Variants in SHCBP1L observed in about 807,000 individuals in gnomAD.
SHCBP1L encodes SHC binding and spindle associated 1 like, also known as testicular spindle-associated protein SHCBP1L.
In SHCBP1L, 67 loss-of-function variants were observed where a neutral mutation model predicts 62.5. The observed-to-expected ratio is 1.07, with a 90% CI of 0.88 to 1.31. SHCBP1L has a LOEUF of 1.31. SHCBP1L is among the 40% of genes most tolerant of loss of function. SHCBP1L has a pLI of 0.00. For synonymous variants in SHCBP1L, 284 were observed against 289.4 expected (o/e 0.98, Z 0.19); for missense variants, 823 against 809.8 (o/e 1.02, Z -0.20).
chr1:182,946,801 G>A (rs1160144264), intron 2 of SHCBP1L, among the ~76,000 whole-genome samples: 2 of 152,104 alleles, frequency 1.3e-5, no homozygotes, highest in Admixed American at 6.6e-5. Flanking sequence ...ATGGTGTTAG[G>A]ATTTGATAAT....
intron 6 of SHCBP1L, among the ~76,000 whole-genome samples, chr1:182,923,887 G>A (rs1418382053): frequency 6.6e-6 from 1 of 152,184 alleles, no homozygotes; most frequent in East Asian, 1.9e-4. Flanking sequence ...CCTAGCCAGA[G>A]CAATCAGGCA....
rs1651857082 is a variant in SHCBP1L, at chr1:182,953,130, C to A, written c.4G>T (p.Ala2Ser). MASGSKASVPAD... is the reference protein window; with the variant it reads MSSGSKASVPAD... ...GGCACCGAGGCCTTGGAGCCCGACGCCATCTCCTCAGCAGCCCGAGGGCCG... is the reference window on the plus strand; with the variant it reads ...GGCACCGAGGCCTTGGAGCCCGACGACATCTCCTCAGCAGCCCGAGGGCCG... Residue 2 changes from alanine (A) to serine (S), a missense_variant, in exon 1 of 10, where the codon GCG becomes TCG. Transcript: ENST00000367547. 2.5e-6 allele frequency: 4 copies of A among 1,581,226 alleles called. No individual in the cohort carries two copies. Among genetic ancestry groups the A allele is most frequent in the Non-Finnish European group, 3.4e-6 (4 of 1,172,038 alleles).
chr1:182,949,715 A>T (rs1450335994), intron 2 of SHCBP1L, among the ~76,000 whole-genome samples: 1 of 152,078 alleles, frequency 6.6e-6, no homozygotes, highest in Non-Finnish European at 1.5e-5. Context: ...AAGAAAAAGG[A>T]AAAGAAACAG....
chr1:182,901,204 T>C (rs1226656300), intron 9 of SHCBP1L, among the ~76,000 whole-genome samples: 1 of 152,150 alleles, frequency 6.6e-6, no homozygotes, highest in South Asian at 2.1e-4. Context: ...ACACCTGTAA[T>C]CCCAGCACTT....
intron 7 of SHCBP1L, 31 bp from the exon 8 acceptor site, chr1:182,904,461 C>A: frequency 3.1e-6 from 5 of 1,608,142 alleles, no homozygotes; most frequent in South Asian, 1.1e-5. Flanking sequence ...TACATTAAAT[C>A]AGTAATCTCC....
chr1:182,935,758 C>G (rs188381687), intron 5 of SHCBP1L, among the ~76,000 whole-genome samples: 73 of 152,290 alleles, frequency 4.8e-4, no homozygotes, highest in African/African-American at 1.7e-3. Flanking sequence ...CATGAAATGT[C>G]CCTTTTTGTC....
chr1:182,930,244 G>C (rs1351707091), intron 5 of SHCBP1L, among the ~76,000 whole-genome samples: 1 of 152,124 alleles, frequency 6.6e-6, no homozygotes, highest in African/African-American at 2.4e-5. Context: ...CAGCAGAACT[G>C]TTCCAGCTTC....
intron 6 of SHCBP1L, among the ~76,000 whole-genome samples, chr1:182,909,156 A>T (rs1215103445): frequency 6.6e-6 from 1 of 152,168 alleles, no homozygotes; most frequent in Non-Finnish European, 1.5e-5. Context: ...GAAATAAGAA[A>T]CACAGGAGAG....
chr1:182,942,417 G>T, intron 2 of SHCBP1L: 1 of 705,592 alleles, frequency 1.4e-6, no homozygotes, highest in South Asian at 1.5e-5. Context: ...GCGGCAGGCA[G>T]GGCGCGTGCC....
chr1:182,924,107 A>C (rs886209020), intron 6 of SHCBP1L, among the ~76,000 whole-genome samples: 2 of 152,166 alleles, frequency 1.3e-5, no homozygotes, highest in African/African-American at 4.8e-5. Flanking sequence ...AAGCTGAAGA[A>C]CTAAATCAAG....
chr1:182,912,197 T>C (rs553348139), intron 6 of SHCBP1L, among the ~76,000 whole-genome samples: 1 of 152,294 alleles, frequency 6.6e-6, no homozygotes, highest in African/African-American at 2.4e-5. Context: ...CTCCCAGCTC[T>C]TAGGGAGGCA....
chr1:182,931,339 C>A (rs1393484938), intron 5 of SHCBP1L, among the ~76,000 whole-genome samples: 3 of 151,778 alleles, frequency 2.0e-5, no homozygotes, highest in Non-Finnish European at 4.4e-5. Flanking sequence ...ATCATGCTAT[C>A]CTAGTTTTAA....
intron 6 of SHCBP1L, among the ~76,000 whole-genome samples, chr1:182,921,735 A>G (rs569755650): frequency 1.3e-5 from 2 of 152,232 alleles, no homozygotes; most frequent in East Asian, 3.9e-4. Context: ...GCAAAACCCC[A>G]TCTCTACTAA....
At chr1:182,909,518 A>G (rs573187984) in intron 6 of SHCBP1L, among the ~76,000 whole-genome samples, 2 of 152,322 alleles carry the variant, frequency 1.3e-5, no homozygotes, top group East Asian at 3.9e-4. Context: ...TCATGGAAGG[A>G]GGAAGTACAG....
At chr1:182,941,769 C>T (rs528276701) in intron 2 of SHCBP1L, among the ~76,000 whole-genome samples, 21 of 152,166 alleles carry the variant, frequency 1.4e-4, no homozygotes, top group Admixed American at 7.9e-4. Flanking sequence ...TGACTCCATA[C>T]TGCCATTTAA....
At chr1:182,940,053 T>C (rs891346823) in intron 3 of SHCBP1L, among the ~76,000 whole-genome samples, 5 of 152,148 alleles carry the variant, frequency 3.3e-5, no homozygotes, top group Non-Finnish European at 7.4e-5. Flanking sequence ...AAGTTAATGT[T>C]ACTTATTTCA....
intron 7 of SHCBP1L, 146 bp from the exon 8 acceptor site, chr1:182,904,576 T>TGTGTGTGC (rs1491153422): frequency 6.6e-5 from 46 of 701,992 alleles, no homozygotes; most frequent in African/African-American, 5.1e-4. Context: ...TGTGTGTGTG[T>TGTGTGTGC]GCGCATGCGC....
chr1:182,950,137 A>G (rs1275899125), intron 2 of SHCBP1L, among the ~76,000 whole-genome samples: 4 of 152,170 alleles, frequency 2.6e-5, no homozygotes, highest in Non-Finnish European at 1.5e-5. Context: ...ACATATTTTT[A>G]AATTGTTTTC....
rs1259322575 is a variant in SHCBP1L, at chr1:182,949,245, A to T, written c.555+2073T>A. The stretch of plus-strand genomic sequence containing the variant: ...TGCTTTAATGTTAAGCTTCCACATA[A>T]AACCTGATTGAAAAAAAACCCACAA... On this transcript the variant is annotated intron_variant, in intron 2 of 9. Transcript: ENST00000367547. 3.3e-5 allele frequency among the ~76,000 whole-genome samples: 5 copies of T among 151,726 alleles called. 1 individual carries two copies. The highest frequency in any genetic ancestry group is 1.2e-4 in the African/African-American group (5 of 41,090).
Sources: gnomAD v4.1 joint callset for allele counts (sites outside exome capture counted in the v4.1 genomes callset) on GRCh38, gnomAD v4.1.1 for gene constraint, MANE v1.5 for transcripts, NCBI Gene and HGNC (gene_info 2026-07-23, HGNC 2026-07-21) for gene names.